Variants in DMD observed in about 807,000 individuals in gnomAD.
DMD encodes dystrophin, also known as mutant dystrophin.
In DMD, 63 loss-of-function variants were observed where a neutral mutation model predicts 330.1. The ratio of observed to expected loss-of-function variants is 0.19; its 90% CI spans 0.16 to 0.24. DMD has a LOEUF of 0.24. Among genes scored for constraint, DMD ranks in the 10% least tolerant of loss-of-function variants. DMD has a pLI of 1.00. For missense variants in DMD, 3,344 were observed against 2,684.1 expected (o/e 1.25, Z -5.43); for synonymous variants, 1,223 against 959.8 (o/e 1.27, Z -5.07).
chrX:32,485,624 A>G (rs1200271394), intron 20 of DMD, among the ~76,000 whole-genome samples: 1 of 108,190 alleles, frequency 9.2e-6, no homozygotes, highest in African/African-American at 3.3e-5. Context: ...TATAAAATCT[A>G]TATAATACTT....
At chrX:31,230,355 A>C (rs958585582) in intron 63 of DMD, among the ~76,000 whole-genome samples, 2 of 112,027 alleles carry the variant, frequency 1.8e-5, no homozygotes, top group Non-Finnish European at 3.8e-5. Context: ...TCTTCTAAGA[A>C]ATGAAGGAGA....
At chrX:33,187,761 T>C (rs758210648) in intron 1 of DMD, among the ~76,000 whole-genome samples, 7 of 111,912 alleles carry the variant, frequency 6.3e-5, no homozygotes, top group Non-Finnish European at 1.3e-4. Flanking sequence ...TTTGTTGTTG[T>C]TGTTTTCTGC....
intron 9 of DMD, among the ~76,000 whole-genome samples, chrX:32,694,840 G>A (rs2063532448): frequency 9.0e-6 from 1 of 110,884 alleles, no homozygotes; most frequent in Non-Finnish European, 1.9e-5. Flanking sequence ...ATTTTTAGTA[G>A]AGATGGGGTT....
At chrX:31,309,483 G>A (rs1486430393) in intron 62 of DMD, among the ~76,000 whole-genome samples, 1 of 111,710 alleles carries the variant, frequency 9.0e-6, no homozygotes, top group Non-Finnish European at 1.9e-5. Context: ...AAATATGTAG[G>A]CCCGCTCATC....
At chrX:31,791,075 A>C (rs1042907191) in intron 50 of DMD, among the ~76,000 whole-genome samples, 15 of 111,204 alleles carry the variant, frequency 1.3e-4, no homozygotes, top group African/African-American at 4.9e-4. Context: ...GGTCCTGGGA[A>C]ATTTTAGCTA....
Position 32,738,674 on chromosome X carries a change from C to CAGACGGG in DMD, c.650-39382_650-39381insCCCGTCT, listed in dbSNP as rs765577211. 0.065 allele frequency among the ~76,000 whole-genome samples: 6,995 copies of CAGACGGG among 108,178 alleles called. 3 individuals carry two copies. The highest frequency in any genetic ancestry group is 0.24 in the African/African-American group (6,565 of 27,540). The allele number at this position is 108,178 out of a possible 115,157, so 93.9% of individuals were successfully genotyped here. A position where few individuals can be genotyped will look rare whatever the true frequency, so the allele number is the denominator to read the frequency against. Reference sequence around the variant, plus strand: ...AAAACTAGGAGACTGAAAACTTCTTCTACATGTTCACTTGTCACCCGTCTG... The same window carrying CAGACGGG: ...AAAACTAGGAGACTGAAAACTTCTTCAGACGGGTACATGTTCACTTGTCACCCGTCTG... On this transcript the variant is annotated intron_variant, in intron 7 of 78. Transcript: ENST00000357033.
chrX:33,187,138 T>C (rs915764800), intron 1 of DMD, among the ~76,000 whole-genome samples: 1 of 112,303 alleles, frequency 8.9e-6, no homozygotes, highest in African/African-American at 3.2e-5. Flanking sequence ...CACATTAGAA[T>C]GTTTTTATGA....
chrX:32,604,988 T>G (rs1214345212), intron 12 of DMD, among the ~76,000 whole-genome samples: 1 of 111,066 alleles, frequency 9.0e-6, no homozygotes, highest in Non-Finnish European at 1.9e-5. Context: ...CAAAGCAATT[T>G]ACAGATTGAA....
chrX:33,118,295 G>A (rs373754181), intron 1 of DMD, among the ~76,000 whole-genome samples: 2,984 of 108,199 alleles, frequency 0.028, 126 homozygotes, highest in African/African-American at 0.095. Context: ...TATTTTTAGT[G>A]GAGACGGGGT....
At chrX:32,801,497 T>C (rs2076563273) in intron 7 of DMD, among the ~76,000 whole-genome samples, 1 of 112,124 alleles carries the variant, frequency 8.9e-6, no homozygotes, top group African/African-American at 3.2e-5. Flanking sequence ...TCTTTTGCTG[T>C]GCAGGAGCTA....
chrX:32,380,730 T>C (rs1275358063), intron 33 of DMD, 50 bp from the exon 34 acceptor site: 1 of 1,092,290 alleles, frequency 9.2e-7, no homozygotes, highest in African/African-American at 1.8e-5. Flanking sequence ...TTAATTCAAA[T>C]TTCGTTATAA....
chrX:33,033,363 A>G (rs1454494948), intron 1 of DMD, among the ~76,000 whole-genome samples: 2 of 107,879 alleles, frequency 1.9e-5, no homozygotes, highest in Non-Finnish European at 3.8e-5. Context: ...AGTTTTGTCT[A>G]TATCTTGATT....
chrX:33,140,789 T>C (rs1345668916), intron 1 of DMD, among the ~76,000 whole-genome samples: 1 of 112,216 alleles, frequency 8.9e-6, no homozygotes, highest in African/African-American at 3.2e-5. Context: ...CTGCAGATGC[T>C]AATGGGGTGA....
chrX:32,166,273 A>G (rs755814190), intron 44 of DMD, among the ~76,000 whole-genome samples: 5 of 110,463 alleles, frequency 4.5e-5, no homozygotes, highest in Admixed American at 9.7e-5. Context: ...TGGGCAACAC[A>G]GTGAGACTCT....
At chrX:33,154,524 C>T (rs1160955975) in intron 1 of DMD, among the ~76,000 whole-genome samples, 1 of 111,397 alleles carries the variant, frequency 9.0e-6, no homozygotes, top group Non-Finnish European at 1.9e-5. Context: ...TTTCTAGCTC[C>T]CTGCCACAAA....
intron 74 of DMD, among the ~76,000 whole-genome samples, chrX:31,157,814 C>CT (rs1400170434): frequency 0.014 from 1,124 of 82,162 alleles, 16 homozygotes; most frequent in African/African-American, 0.046. Flanking sequence ...TTTTTTTTTT[C>CT]TTTTTTTGAG....
intron 62 of DMD, among the ~76,000 whole-genome samples, chrX:31,273,684 T>C (rs2051851808): frequency 1.8e-5 from 2 of 111,727 alleles, no homozygotes; most frequent in South Asian, 3.8e-4. Context: ...CTTTTTTTTT[T>C]TCCTGAGATG....
chrX:32,285,802 G>T (rs1382750195), intron 43 of DMD, among the ~76,000 whole-genome samples: 1 of 109,790 alleles, frequency 9.1e-6, no homozygotes, highest in Non-Finnish European at 1.9e-5. Flanking sequence ...TGGGTTCAAG[G>T]GATTCTCCTG....
intron 62 of DMD, among the ~76,000 whole-genome samples, chrX:31,314,260 G>C (rs1022206099): frequency 8.9e-6 from 1 of 112,425 alleles, no homozygotes; most frequent in African/African-American, 3.2e-5. Flanking sequence ...TTTTCTTCCT[G>C]TCTAGCAGAT....
Sources: allele counts gnomAD v4.1 joint callset (sites outside exome capture counted in the v4.1 genomes callset), GRCh38; gene constraint gnomAD v4.1.1; transcripts MANE v1.5; gene names NCBI Gene and HGNC (gene_info 2026-07-23, HGNC 2026-07-21).